The following HCN1 variants were observed in gnomAD, a reference collection of about 807,000 sequenced individuals.
HCN1 encodes potassium/sodium hyperpolarization-activated cyclic nucleotide-gated channel 1.
A neutral mutation model predicts 78.9 loss-of-function variants in HCN1; 13 were observed. The ratio of observed to expected loss-of-function variants is 0.16; its 90% confidence interval spans 0.11 to 0.26. HCN1 has a LOEUF of 0.26. Ranked by LOEUF, HCN1 falls within the 10% of genes least tolerant of loss-of-function variation. The pLI is 1.00. For missense variants in HCN1, 810 were observed against 1,154.3 expected (o/e 0.70, Z 4.32); for synonymous variants, 552 against 455.5 (o/e 1.21, Z -2.70).
intron 2 of HCN1, among the ~76,000 whole-genome samples, chr5:45,500,259 G>A (rs955664010): frequency 1.3e-5 from 2 of 152,082 alleles, no homozygotes; most frequent in Non-Finnish European, 2.9e-5. Context: ...CTGGAGTTCA[G>A]GATAAACAGA....
At chr5:45,572,654 G>A (rs1348398272) in intron 2 of HCN1, among the ~76,000 whole-genome samples, 1 of 151,992 alleles carries the variant, frequency 6.6e-6, no homozygotes, top group East Asian at 1.9e-4. Flanking sequence ...ATGGTAAAAT[G>A]GTCTTACCAT....
At chr5:45,515,281 A>C (rs1048885388) in intron 2 of HCN1, among the ~76,000 whole-genome samples, 2 of 152,140 alleles carry the variant, frequency 1.3e-5, no homozygotes, top group Non-Finnish European at 1.5e-5. Flanking sequence ...TCTCATTATC[A>C]GAAGGTATAC....
intron 2 of HCN1, among the ~76,000 whole-genome samples, chr5:45,469,055 G>C (rs1262716835): frequency 6.6e-6 from 1 of 151,650 alleles, no homozygotes; most frequent in Non-Finnish European, 1.5e-5. Context: ...GTGACATTTT[G>C]GTATAGTTAT....
chr5:45,686,171 G>A (rs912908529), intron 1 of HCN1, among the ~76,000 whole-genome samples: 2 of 150,726 alleles, frequency 1.3e-5, no homozygotes, highest in African/African-American at 4.9e-5. Flanking sequence ...TACTAAGGTG[G>A]TGAAGCTCAG....
intron 3 of HCN1, among the ~76,000 whole-genome samples, chr5:45,460,553 C>T (rs985450028): frequency 3.3e-5 from 5 of 151,736 alleles, no homozygotes; most frequent in Non-Finnish European, 7.4e-5. Flanking sequence ...ATATAAATAA[C>T]AAATAAAAGT....
rs375932993 is a variant in HCN1, at chr5:45,291,736, C to G, written c.1618+11863G>C. Among the ~76,000 whole-genome samples the G allele has an allele frequency of 8.6e-5, 13 of 151,956 alleles. No individual in the cohort carries two copies. The East Asian group carries it at 2.3e-3, about 27-fold the overall frequency. ...GTAGAGACAGGGTCTCACTATGTTGCTCAGGCTTGTCTTGAACTCCTGGGA... is the reference window on the plus strand; with the variant it reads ...GTAGAGACAGGGTCTCACTATGTTGGTCAGGCTTGTCTTGAACTCCTGGGA... On this transcript the variant is annotated intron_variant, in intron 6 of 7. Transcript: ENST00000303230.
At chr5:45,323,134 A>G (rs1233656196) in intron 5 of HCN1, among the ~76,000 whole-genome samples, 1 of 151,890 alleles carries the variant, frequency 6.6e-6, no homozygotes, top group African/African-American at 2.4e-5. Flanking sequence ...TGTAAACTGT[A>G]TGAAATCTAC....
intron 1 of HCN1, among the ~76,000 whole-genome samples, chr5:45,680,636 A>G (rs1323827994): frequency 1.3e-5 from 2 of 152,146 alleles, no homozygotes; most frequent in African/African-American, 4.8e-5. Flanking sequence ...GGAAATACAA[A>G]TAAGATCTGT....
intron 2 of HCN1, among the ~76,000 whole-genome samples, chr5:45,545,392 C>A (rs1278610780): frequency 1.3e-5 from 2 of 152,004 alleles, no homozygotes; most frequent in African/African-American, 4.8e-5. Flanking sequence ...TCCCATTAGG[C>A]AGGTTGCCTG....
At position 45,258,323 on chromosome 5, in the gene HCN1, A is replaced by G. The variant is rs1744662026; in HGVS notation, c.*3598T>C. 6.6e-6 allele frequency: 1 copy of G among 152,168 alleles called. No homozygotes were observed. Among genetic ancestry groups the G allele is most frequent in the Admixed American group, 6.5e-5 (1 of 15,282 alleles). 9.4% of individuals were successfully genotyped at this position (152,168 alleles called of 1,614,324 possible). A position where few individuals can be genotyped will look rare whatever the true frequency, so the allele number is the denominator to read the frequency against. On this transcript the variant is annotated 3_prime_UTR_variant, in exon 8 of 8. Transcript: ENST00000303230. ...AATCATTCTCTGTCCTATAGGAATG[A>G]CGGTAATAACTTGACTATGTACTTT...
At chr5:45,323,925 G>T (rs1415647615) in intron 5 of HCN1, among the ~76,000 whole-genome samples, 1 of 151,982 alleles carries the variant, frequency 6.6e-6, no homozygotes, top group South Asian at 2.1e-4. Flanking sequence ...ATTCCATGGT[G>T]TATATGTGCT....
intron 4 of HCN1, among the ~76,000 whole-genome samples, chr5:45,393,659 T>C (rs1012870497): frequency 6.6e-5 from 10 of 152,190 alleles, no homozygotes; most frequent in African/African-American, 2.4e-4. Flanking sequence ...TAAGATTGTT[T>C]CAATCAACAT....
At chr5:45,543,076 T>C (rs540966909) in intron 2 of HCN1, among the ~76,000 whole-genome samples, 3 of 152,234 alleles carry the variant, frequency 2.0e-5, no homozygotes, top group African/African-American at 7.2e-5. Flanking sequence ...TCTCCCTCTC[T>C]GAGAAGTAAT....
In HCN1 at chr5:45,347,785, T is replaced by A. The variant is rs532825242; in HGVS notation, c.1377+5315A>T. On this transcript the variant is annotated intron_variant, in intron 5 of 7. Coordinates refer to ENST00000303230, the MANE Select transcript of HCN1 (RefSeq NM_021072.4). ...TATCAGTGATGGAAGATGAAATGAA[T>A]GAAATGAAGTGAGAAGGGAAGTTTA... 1.8e-4 allele frequency among the ~76,000 whole-genome samples: 27 copies of A among 151,866 alleles called. No individual in the cohort carries two copies. In the South Asian group the frequency reaches 5.6e-3, roughly 32 times the overall value.
chr5:45,396,497 C>A lies in HCN1; in HGVS notation c.1225G>T (p.Glu409Ter). Residue 409 changes from glutamate (E) to a stop codon, truncating the protein, a stop_gained, in exon 4 of 8, where the codon GAG becomes TAG. Coordinates refer to ENST00000303230, the MANE Select transcript of HCN1 (RefSeq NM_021072.4). LOFTEE classifies it high-confidence loss of function. ...SLDSSRRQYQ[E>*]KYKQVEQYMS... is the part of the protein sequence containing the mutation. ...CGATAAATAAAACAAATTACCTTCTCTTGATACTGCCGCCTCGAAGAATCC... is the reference window on the plus strand; with the variant it reads ...CGATAAATAAAACAAATTACCTTCTATTGATACTGCCGCCTCGAAGAATCC... 1 of 1,612,956 alleles carries A rather than the reference C, an allele frequency of 6.2e-7. No homozygotes were observed. The highest frequency in any genetic ancestry group is 8.5e-7 in the Non-Finnish European group (1 of 1,179,584).
At chr5:45,321,131 T>C (rs977113260) in intron 5 of HCN1, among the ~76,000 whole-genome samples, 2 of 151,808 alleles carry the variant, frequency 1.3e-5, no homozygotes, top group African/African-American at 2.4e-5. Flanking sequence ...GAAATGTTTC[T>C]ATTTGTTTCC....
intron 5 of HCN1, among the ~76,000 whole-genome samples, chr5:45,324,247 A>G (rs1746188824): frequency 6.6e-6 from 1 of 151,962 alleles, no homozygotes; most frequent in Non-Finnish European, 1.5e-5. Context: ...AATTTTTGCA[A>G]TCTACTCATC....
intron 5 of HCN1, among the ~76,000 whole-genome samples, chr5:45,308,350 T>C (rs373472569): frequency 7.2e-5 from 11 of 152,200 alleles, no homozygotes; most frequent in African/African-American, 2.4e-4. Flanking sequence ...AATTAAGAAA[T>C]CTGCAAATAT....
chr5:45,411,770 T>G (rs983338020), intron 3 of HCN1, among the ~76,000 whole-genome samples: 1 of 152,114 alleles, frequency 6.6e-6, no homozygotes, highest in African/African-American at 2.4e-5. Context: ...GGAGCATCCC[T>G]GACTCCTTCA....
Sources: allele counts gnomAD v4.1 joint callset (sites outside exome capture counted in the v4.1 genomes callset), GRCh38; gene constraint gnomAD v4.1.1; transcripts MANE v1.5; gene names NCBI Gene and HGNC (gene_info 2026-07-23, HGNC 2026-07-21).